MEF2C: variants seen among roughly 807,000 people sequenced by gnomAD.
The protein encoded by MEF2C is myocyte enhancer factor 2C, also known as myocyte-specific enhancer factor 2C.
A neutral mutation model predicts 50.5 loss-of-function variants in MEF2C; 6 were observed. That is an observed-to-expected ratio of 0.12 (90% CI 0.07 to 0.23). The LOEUF is 0.23. Ranked by LOEUF, MEF2C falls within the 10% of genes least tolerant of loss-of-function variation. The pLI is 1.00. For missense variants in MEF2C, 276 were observed against 605.0 expected (o/e 0.46, Z 5.70); for synonymous variants, 183 against 228.0 (o/e 0.80, Z 1.78).
At chr5:88,760,249 T>C (rs1282607177) in intron 4 of MEF2C, among the ~76,000 whole-genome samples, 1 of 152,264 alleles carries the variant, frequency 6.6e-6, no homozygotes, top group Non-Finnish European at 1.5e-5. Flanking sequence ...AAATAATACA[T>C]GCAGTTATTT....
At chr5:88,762,111 G>A (rs1348543083) in intron 3 of MEF2C, among the ~76,000 whole-genome samples, 1 of 152,164 alleles carries the variant, frequency 6.6e-6, no homozygotes, top group African/African-American at 2.4e-5. Context: ...TTTTTCAGCT[G>A]AGTAGGAATC....
At chr5:88,872,165 T>C (rs910445723) in intron 1 of MEF2C, among the ~76,000 whole-genome samples, 2 of 152,006 alleles carry the variant, frequency 1.3e-5, no homozygotes, top group Admixed American at 1.3e-4. Flanking sequence ...CAAAAGTGGA[T>C]AATACTAAGA....
chr5:88,806,892 C>T (rs1800673349), intron 2 of MEF2C, among the ~76,000 whole-genome samples: 1 of 152,114 alleles, frequency 6.6e-6, no homozygotes, highest in South Asian at 2.1e-4. Flanking sequence ...ACTACTTTAT[C>T]CCCAGTGCTT....
intron 1 of MEF2C, among the ~76,000 whole-genome samples, chr5:88,858,036 T>G (rs1212115686): frequency 6.6e-6 from 1 of 152,212 alleles, no homozygotes; most frequent in Non-Finnish European, 1.5e-5. Context: ...TGCAGTATTG[T>G]TTTTAGACTC....
At chr5:88,835,418 TA>T (rs1164112873) in intron 1 of MEF2C, among the ~76,000 whole-genome samples, 8 of 152,100 alleles carry the variant, frequency 5.3e-5, no homozygotes, top group Admixed American at 5.2e-4. Flanking sequence ...TCCCCACCTA[TA>T]GATTAAGCTG....
intron 1 of MEF2C, among the ~76,000 whole-genome samples, chr5:88,894,059 A>G (rs796139950): frequency 7.9e-5 from 12 of 152,348 alleles, no homozygotes; most frequent in African/African-American, 2.9e-4. Flanking sequence ...GTGGGTTGAA[A>G]TGAATATTTG....
intron 3 of MEF2C, among the ~76,000 whole-genome samples, chr5:88,783,212 G>A (rs1789044385): frequency 6.6e-6 from 1 of 152,140 alleles, no homozygotes; most frequent in Non-Finnish European, 1.5e-5. Context: ...TATCATTATT[G>A]TAAACCTTAC....
chr5:88,756,898 AAG>A (rs1477663917), intron 4 of MEF2C, among the ~76,000 whole-genome samples: 1 of 151,926 alleles, frequency 6.6e-6, no homozygotes, highest in East Asian at 1.9e-4. Context: ...GATAGGAAGA[AAG>A]AGAGAATTTG....
At chr5:88,784,913 C>T (rs1297877535) in intron 3 of MEF2C, among the ~76,000 whole-genome samples, 1 of 152,068 alleles carries the variant, frequency 6.6e-6, no homozygotes, top group African/African-American at 2.4e-5. Context: ...CAATTACACC[C>T]TGTATGCTGC....
intron 1 of MEF2C, among the ~76,000 whole-genome samples, chr5:88,898,031 C>A (rs2150307369): frequency 6.6e-6 from 1 of 152,244 alleles, no homozygotes; most frequent in African/African-American, 2.4e-5. Context: ...TTGCATGCTA[C>A]TCTCTTAAGG....
At chr5:88,736,574 G>A in intron 6 of MEF2C, 2 of 956,748 alleles carry the variant, frequency 2.1e-6, no homozygotes, top group Non-Finnish European at 2.5e-6. Flanking sequence ...TACTTGAGGG[G>A]TTCTTCACCA....
Position 88,719,676 on chromosome 5 carries a change from A to G in MEF2C, c.*2928T>C, listed in dbSNP as rs1755627155. 6.6e-6 allele frequency: 1 copy of G among 152,238 alleles called. No homozygotes were observed. Among genetic ancestry groups the G allele is most frequent in the Non-Finnish European group, 1.5e-5 (1 of 68,022 alleles). 9.4% of individuals were successfully genotyped at this position (152,238 alleles called of 1,614,324 possible). ...ATACAATAAATGGTAAATTACAGATAAGGTATAAGGGTAAAGATAGACCAA... is the reference window on the plus strand; with the variant it reads ...ATACAATAAATGGTAAATTACAGATGAGGTATAAGGGTAAAGATAGACCAA... On this transcript the variant is annotated 3_prime_UTR_variant, in exon 11 of 11. Coordinates refer to ENST00000504921, the MANE Select transcript of MEF2C (RefSeq NM_002397.5).
intron 3 of MEF2C, among the ~76,000 whole-genome samples, chr5:88,768,879 G>A (rs1053540271): frequency 2.0e-5 from 3 of 152,090 alleles, no homozygotes; most frequent in Non-Finnish European, 4.4e-5. Flanking sequence ...TGCAATGTAG[G>A]TGTGATTTGT....
chr5:88,805,930 T>C (rs1800247539), intron 2 of MEF2C, among the ~76,000 whole-genome samples: 1 of 147,548 alleles, frequency 6.8e-6, no homozygotes, highest in Admixed American at 6.9e-5. Context: ...CCAACAGGTA[T>C]TCATTCTGTA....
chr5:88,731,692 A>G (rs537583472), intron 7 of MEF2C, 37 bp downstream of exon 7: 13 of 1,565,468 alleles, frequency 8.3e-6, no homozygotes, highest in South Asian at 4.5e-5. Flanking sequence ...TATACAAAAC[A>G]TTATCAATAT....
At chr5:88,861,324 G>T (rs1053694373) in intron 1 of MEF2C, among the ~76,000 whole-genome samples, 4 of 152,226 alleles carry the variant, frequency 2.6e-5, no homozygotes, top group Non-Finnish European at 4.4e-5. Context: ...GTTGGACCAG[G>T]TTCCCTGGCA....
chr5:88,865,918 T>G (rs1201624630), intron 1 of MEF2C, among the ~76,000 whole-genome samples: 2 of 151,690 alleles, frequency 1.3e-5, no homozygotes, highest in Non-Finnish European at 2.9e-5. Context: ...TCTTTTGAGA[T>G]GGAGTCTTGG....
intron 1 of MEF2C, among the ~76,000 whole-genome samples, chr5:88,878,888 G>A (rs934370618): frequency 6.6e-6 from 1 of 151,900 alleles, no homozygotes; most frequent in Admixed American, 6.6e-5. Context: ...ATTTACCTAT[G>A]TTTCTCACTT....
intron 4 of MEF2C, among the ~76,000 whole-genome samples, chr5:88,754,827 A>G (rs1054557394): frequency 1.3e-5 from 2 of 152,242 alleles, no homozygotes; most frequent in Middle Eastern, 3.2e-3. Context: ...ACTCAAGATG[A>G]GAATTTTTTT....
Sources: allele counts gnomAD v4.1 joint callset (sites outside exome capture counted in the v4.1 genomes callset), GRCh38; gene constraint gnomAD v4.1.1; transcripts MANE v1.5; gene names NCBI Gene and HGNC (gene_info 2026-07-23, HGNC 2026-07-21).